Variants in TRPM3 observed in about 807,000 individuals in gnomAD.
TRPM3 encodes transient receptor potential cation channel subfamily M member 3, also known as long transient receptor potential channel 3.
In TRPM3, 77 loss-of-function variants were observed where a neutral mutation model predicts 181.2. The observed-to-expected ratio is 0.42, with a 90% CI of 0.35 to 0.51. The LOEUF is 0.51. TRPM3 is among the 20% of genes least tolerant of loss of function. The probability of loss-of-function intolerance (pLI) is 0.01; values close to 1 mark genes in which losing one functional copy is unlikely to be tolerated. For missense variants in TRPM3, 1,759 were observed against 2,196.7 expected (o/e 0.80, Z 3.98); for synonymous variants, 745 against 796.4 (o/e 0.94, Z 1.09).
chr9:71,316,952 T>C (rs2088657994), intron 1 of TRPM3, among the ~76,000 whole-genome samples: 1 of 152,200 alleles, frequency 6.6e-6, no homozygotes, highest in South Asian at 2.1e-4. Context: ...TTGAATTCTT[T>C]TCTAGTAAGA....
chr9:71,232,333 G>T (rs2081102534), intron 1 of TRPM3, among the ~76,000 whole-genome samples: 2 of 152,102 alleles, frequency 1.3e-5, no homozygotes, highest in Admixed American at 6.5e-5. Context: ...TATAAAACCA[G>T]AAGTTAAACT....
intron 1 of TRPM3, chr9:71,446,633 G>T: frequency 6.5e-7 from 1 of 1,547,710 alleles, no homozygotes; most frequent in Non-Finnish European, 8.7e-7. Flanking sequence ...AAAGACTGGG[G>T]CTCTCCCCCG....
In TRPM3 at chr9:70,535,915, T is replaced by C; in HGVS notation, c.*38A>G. The C allele has an allele frequency of 6.5e-7, 1 of 1,535,704 alleles. No homozygotes were observed. Among genetic ancestry groups the C allele is most frequent in the Non-Finnish European group, 8.7e-7 (1 of 1,144,560 alleles). On this transcript the variant is annotated 3_prime_UTR_variant, in exon 26 of 26. Transcript: ENST00000677713. ...CTGGAGTTGGAGAGAATTTTAGGGC[T>C]GGATTCTTGAGCCTTCTGTGGCGGA...
intron 9 of TRPM3, among the ~76,000 whole-genome samples, chr9:70,675,467 T>C (rs1448521072): frequency 6.6e-6 from 1 of 152,236 alleles, no homozygotes; most frequent in Non-Finnish European, 1.5e-5. Context: ...ATTCTCCATG[T>C]ATCTATAAGT....
intron 1 of TRPM3, among the ~76,000 whole-genome samples, chr9:71,268,383 AAAT>A (rs940022005): frequency 2.0e-5 from 3 of 151,972 alleles, no homozygotes; most frequent in Non-Finnish European, 2.9e-5. Context: ...CTGTCTCAAA[AAAT>A]AATAATAATA....
At position 71,043,070 on chromosome 9, in the gene TRPM3, T is replaced by G. The variant is rs2059015327; in HGVS notation, c.177+78108A>C. ...TCTGCCAAGTCCTTGCAGATTTATG[T>G]GAAAATTGGAAATTTCTGTATCTTT... is the stretch of plus-strand genomic sequence containing the variant. On this transcript the variant is annotated intron_variant, in intron 1 of 25. Coordinates refer to ENST00000677713, the MANE Select transcript of TRPM3 (RefSeq NM_001366145.2). Among the ~76,000 whole-genome samples the G allele has an allele frequency of 2.0e-5, 3 of 152,256 alleles. No homozygotes were observed. The South Asian group carries it at 6.2e-4, about 31-fold the overall frequency.
chr9:71,336,179 GAA>G (rs796477216), intron 1 of TRPM3, among the ~76,000 whole-genome samples: 3 of 117,924 alleles, frequency 2.5e-5, no homozygotes, highest in Non-Finnish European at 1.8e-5. Context: ...CAAACTGTCC[GAA>G]AAAAAAAAAA....
intron 9 of TRPM3, among the ~76,000 whole-genome samples, chr9:70,678,660 T>A (rs183046568): frequency 1.9e-4 from 29 of 152,328 alleles, no homozygotes; most frequent in African/African-American, 7.0e-4. Context: ...TCCTAACTTC[T>A]GGTTCTCTCA....
chr9:71,003,582 C>T (rs1415256349), intron 1 of TRPM3, among the ~76,000 whole-genome samples: 1 of 152,150 alleles, frequency 6.6e-6, no homozygotes, highest in Non-Finnish European at 1.5e-5. Flanking sequence ...TGTTTCTCCA[C>T]AACCTTGCTA....
intron 1 of TRPM3, among the ~76,000 whole-genome samples, chr9:71,155,776 A>C (rs1203548269): frequency 1.3e-5 from 2 of 152,140 alleles, no homozygotes; most frequent in Non-Finnish European, 2.9e-5. Flanking sequence ...AATTCCATAA[A>C]ATTAGAAGTG....
intron 1 of TRPM3, among the ~76,000 whole-genome samples, chr9:71,084,375 G>A (rs186534507): frequency 4.3e-4 from 65 of 152,128 alleles, no homozygotes; most frequent in Non-Finnish European, 8.1e-4. Flanking sequence ...TAAATGTTCT[G>A]TGACACCTAC....
chr9:71,272,925 A>C (rs2083917846), intron 1 of TRPM3, among the ~76,000 whole-genome samples: 1 of 149,948 alleles, frequency 6.7e-6, no homozygotes, highest in African/African-American at 2.5e-5. Flanking sequence ...CACAGGGTGG[A>C]GTGCAGTGGC....
intron 6 of TRPM3, among the ~76,000 whole-genome samples, chr9:70,785,962 T>C (rs1171076729): frequency 6.6e-6 from 1 of 152,144 alleles, no homozygotes; most frequent in Non-Finnish European, 1.5e-5. Context: ...CCATTCGTTT[T>C]CTGTGGATGG....
intron 1 of TRPM3, among the ~76,000 whole-genome samples, chr9:71,359,035 CCTCA>C (rs977440018): frequency 6.6e-6 from 1 of 152,122 alleles, no homozygotes; most frequent in African/African-American, 2.4e-5. Context: ...TGATATAGTG[CCTCA>C]CTGAGTTTTC....
At chr9:71,311,668 G>A (rs1354264696) in intron 1 of TRPM3, among the ~76,000 whole-genome samples, 4 of 151,634 alleles carry the variant, frequency 2.6e-5, no homozygotes, top group Admixed American at 6.6e-5. Flanking sequence ...ACTTCTAGAG[G>A]ATAACAAAGA....
intron 22 of TRPM3, among the ~76,000 whole-genome samples, chr9:70,556,665 T>G (rs562018779): frequency 6.6e-6 from 1 of 152,250 alleles, no homozygotes; most frequent in South Asian, 2.1e-4. Flanking sequence ...GAGGTTGCAG[T>G]GAGCTGAGAT....
chr9:70,917,925 C>T (rs747487625), intron 1 of TRPM3, among the ~76,000 whole-genome samples: 10 of 151,156 alleles, frequency 6.6e-5, no homozygotes, highest in Non-Finnish European at 1.5e-5. Flanking sequence ...TAAAGACACA[C>T]ACAGACTAAA....
chr9:70,642,493 A>G (rs1564673683), intron 9 of TRPM3, among the ~76,000 whole-genome samples: 1 of 152,192 alleles, frequency 6.6e-6, no homozygotes, highest in Admixed American at 6.5e-5. Context: ...TCGTTAACTT[A>G]CATCAGTGAT....
intron 1 of TRPM3, among the ~76,000 whole-genome samples, chr9:71,209,682 CCT>C (rs1332915674): frequency 2.0e-5 from 3 of 152,110 alleles, no homozygotes; most frequent in African/African-American, 7.2e-5. Context: ...CAGCCTGCTG[CCT>C]CTTTTTGTCT....
Sources: gnomAD v4.1 joint callset for allele counts (sites outside exome capture counted in the v4.1 genomes callset) on GRCh38, gnomAD v4.1.1 for gene constraint, MANE v1.5 for transcripts, NCBI Gene and HGNC (gene_info 2026-07-23, HGNC 2026-07-21) for gene names.